The following BAG1 variants were observed in gnomAD, a reference collection of about 807,000 sequenced individuals.
BAG1 encodes the protein BAG cochaperone 1.
Under a neutral mutation model 35.5 loss-of-function variants are expected in BAG1, and 35 were observed. The ratio of observed to expected loss-of-function variants is 0.99; its 90% CI spans 0.75 to 1.31. The LOEUF (loss-of-function observed/expected upper bound fraction) is 1.31, where lower values mean the gene tolerates loss of function less well. Ranked by LOEUF, BAG1 falls within the 50% of genes most tolerant of loss-of-function variation. The pLI is 0.00. For synonymous variants in BAG1, 191 were observed against 178.9 expected (o/e 1.07, Z -0.54); for missense variants, 464 against 453.6 (o/e 1.02, Z -0.21).
rs1820462557 is a variant in BAG1, at chr9:33,256,801, C to T, written c.885G>A (p.Leu295=). ...TCTTCTCAGCTGAATATTTACTTAC[C>T]AGTGTGTCAATCTCCTCCAAGATCT... Residue 295 remains leucine, a splice_region_variant and synonymous_variant, in exon 5 of 7, where the codon CTG becomes CTA. Coordinates refer to ENST00000634734, the MANE Select transcript of BAG1 (RefSeq NM_004323.6). 6.2e-7 allele frequency: 1 copy of T among 1,609,748 alleles called. No individual in the cohort carries two copies. Among genetic ancestry groups the T allele is most frequent in the Non-Finnish European group, 8.5e-7 (1 of 1,176,348 alleles).
At chr9:33,258,370 A>G (rs1183352656) in intron 4 of BAG1, among the ~76,000 whole-genome samples, 1 of 151,398 alleles carries the variant, frequency 6.6e-6, no homozygotes, top group East Asian at 1.9e-4. Flanking sequence ...TGAGAGGGAA[A>G]AATAAATAAA....
rs1041240873 is a variant in BAG1 at position 33,255,025 on chromosome 9, G to A, written c.*194C>T. 9 of 1,529,862 alleles carry A rather than the reference G, an allele frequency of 5.9e-6. No homozygotes were observed. In the African/African-American group the frequency reaches 1.1e-4, roughly 19 times the overall value. 94.8% of individuals were successfully genotyped at this position (1,529,862 alleles called of 1,614,324 possible). On this transcript the variant is annotated 3_prime_UTR_variant, in exon 7 of 7. Transcript: ENST00000634734. ...GACAGTACAACCACAGAGACAGAAG[G>A]AGAAAACAGATAGGAGCTTTACTCA...
At chr9:33,257,976 G>GC (rs34741928) in intron 4 of BAG1, 93,575 of 151,962 alleles carry the variant, frequency 0.62, 32,691 homozygotes, top group Non-Finnish European at 0.76. Flanking sequence ...TGTACAGTCA[G>GC]CATGTATTCT....
Position 33,259,011 on chromosome 9 carries a change from T to C in BAG1, c.686A>G (p.Glu229Gly). The C allele has an allele frequency of 6.2e-7, 1 of 1,614,070 alleles. No homozygotes were observed. The highest frequency in any genetic ancestry group is 8.5e-7 in the Non-Finnish European group (1 of 1,179,912). ...CTCCAAATGTTTCAACTTCTTTAGT[T>C]CAACCTCTTCCTGTGGACTGTTCTA... Residue 229 changes from glutamate to glycine, a missense_variant, in exon 4 of 7, where the codon GAA becomes GGA. Physicochemically the swap from Glu to Gly is moderately conservative, Grantham distance 98. Coordinates refer to ENST00000634734, the MANE Select transcript of BAG1 (RefSeq NM_004323.6).
intron 3 of BAG1, 89 bp downstream of exon 3, chr9:33,260,998 G>T (rs991232604): frequency 2.5e-5 from 26 of 1,041,290 alleles, no homozygotes; most frequent in Non-Finnish European, 3.5e-5. Context: ...GCAGAATCTG[G>T]GTCCCCAGTT....
intron 2 of BAG1, 28 bp from the exon 3 acceptor site, chr9:33,261,197 T>C (rs1359028789): frequency 2.0e-6 from 3 of 1,497,140 alleles, no homozygotes; most frequent in Non-Finnish European, 2.8e-6. Flanking sequence ...GTAGGCCAAG[T>C]TGTAATAATT....
intron 5 of BAG1, among the ~76,000 whole-genome samples, chr9:33,256,353 TATC>T (rs1820452902): frequency 6.6e-6 from 1 of 152,250 alleles, no homozygotes; most frequent in Admixed American, 6.5e-5. Context: ...AGGCTAGAGA[TATC>T]ATTACTATCA....
Position 33,261,107 on chromosome 9 carries a change from C to T in BAG1, c.643G>A (p.Val215Ile), listed in dbSNP as rs1185946009. 6 of 1,608,980 alleles carry T rather than the reference C, an allele frequency of 3.7e-6. No homozygotes were observed. Among genetic ancestry groups the T allele is most frequent in the Non-Finnish European group, 2.5e-6 (3 of 1,178,112 alleles). The change falls in exon 3 of 7, where the codon GTC (valine) becomes ATC (isoleucine). Residue 215 changes from valine to isoleucine, a missense_variant. By Grantham distance (29) the Val-to-Ile change is conservative. Coordinates refer to ENST00000634734, the MANE Select transcript of BAG1 (RefSeq NM_004323.6). ...TTTACCTTTTTCCCAATTAACATGACCCGGCAACCATCTTGTATTCCAAGT... is the reference window on the plus strand; with the variant it reads ...TTTACCTTTTTCCCAATTAACATGATCCGGCAACCATCTTGTATTCCAAGT...
Position 33,261,257 on chromosome 9 carries a change from T to A in BAG1, c.581-88A>T, listed in dbSNP as rs958438818. ...GCAGGATACAGGAAATAGACAAGTG[T>A]GTTCACTAATGAGAACTGGTATCTT... On this transcript the variant is annotated intron_variant, in intron 2 of 6. Coordinates refer to ENST00000634734, the MANE Select transcript of BAG1 (RefSeq NM_004323.6). 5.4e-6 allele frequency: 5 copies of A among 920,884 alleles called. No individual in the cohort carries two copies. The African/African-American group carries it at 6.7e-5, about 12-fold the overall frequency. 57.0% of individuals were successfully genotyped at this position (920,884 alleles called of 1,614,324 possible). A position where few individuals can be genotyped will look rare whatever the true frequency, so the allele number is the denominator to read the frequency against.
chr9:33,261,094 C>T lies in BAG1; in HGVS notation c.656G>A (p.Gly219Glu), dbSNP rs145328400. The T allele has an allele frequency of 6.2e-5, 99 of 1,603,284 alleles. No homozygotes were observed. The highest frequency in any genetic ancestry group is 8.3e-5 in the Non-Finnish European group (97 of 1,175,082). The change falls in exon 3 of 7, where the codon GGG becomes GAG. Residue 219 changes from glycine to glutamate, a missense_variant. Physicochemically the swap from Gly to Glu is moderately conservative, Grantham distance 98. Coordinates refer to ENST00000634734, the MANE Select transcript of BAG1 (RefSeq NM_004323.6). ...ATGGAAAAAGCAATTTACCTTTTTC[C>T]CAATTAACATGACCCGGCAACCATC...
At chr9:33,262,199 G>C in intron 2 of BAG1, 1 of 1,289,676 alleles carries the variant, frequency 7.8e-7, no homozygotes, top group Non-Finnish European at 1.0e-6. Flanking sequence ...CCAGGTGTTT[G>C]AGAGTGTCCA....
intron 4 of BAG1, chr9:33,257,235 G>C (rs1587787318): frequency 8.6e-6 from 2 of 233,822 alleles, no homozygotes; most frequent in Non-Finnish European, 1.7e-5. Context: ...GCCTACGCCT[G>C]AAAACTGACT....
At position 33,253,643 on chromosome 9, in the gene BAG1, C is replaced by T. The variant is rs1304029826; in HGVS notation, c.*1576G>A. ...CAGTCCTGAATTCCTGGGACTTCAACGACTCTCTCTCTGCCAAATGATGTG... is the reference window on the plus strand; with the variant it reads ...CAGTCCTGAATTCCTGGGACTTCAATGACTCTCTCTCTGCCAAATGATGTG... On this transcript the variant is annotated 3_prime_UTR_variant, in exon 7 of 7. Coordinates refer to ENST00000634734, the MANE Select transcript of BAG1 (RefSeq NM_004323.6). 6.6e-6 allele frequency: 1 copy of T among 151,988 alleles called. No individual in the cohort carries two copies. Among genetic ancestry groups the T allele is most frequent in the African/African-American group, 2.4e-5 (1 of 41,348 alleles). 9.4% of individuals were successfully genotyped at this position (151,988 alleles called of 1,614,324 possible).
intron 4 of BAG1, among the ~76,000 whole-genome samples, chr9:33,258,341 C>A (rs1051507441): frequency 6.7e-5 from 10 of 149,282 alleles, no homozygotes; most frequent in Non-Finnish European, 1.3e-4. Context: ...ACAAACACAC[C>A]CCAATTAATG....
At chr9:33,258,791 G>GT in intron 4 of BAG1, 129 bp downstream of exon 4, 1 of 679,442 alleles carries the variant, frequency 1.5e-6, no homozygotes. Flanking sequence ...CTTGTTCACA[G>GT]TAAGAGAAAG....
At chr9:33,264,177 C>T in intron 1 of BAG1, 47 bp downstream of exon 1, 7 of 1,538,778 alleles carry the variant, frequency 4.5e-6, no homozygotes, top group Non-Finnish European at 6.1e-6. Context: ...CAGACCCCGC[C>T]GGGCTTTCGG....
At chr9:33,256,461 A>G (rs1326489050) in intron 5 of BAG1, among the ~76,000 whole-genome samples, 1 of 152,250 alleles carries the variant, frequency 6.6e-6, no homozygotes, top group Non-Finnish European at 1.5e-5. Flanking sequence ...TATCAGTCAC[A>G]TATTCATCAG....
At chr9:33,263,362 C>T (rs1820621184) in intron 1 of BAG1, among the ~76,000 whole-genome samples, 1 of 152,244 alleles carries the variant, frequency 6.6e-6, no homozygotes, top group Non-Finnish European at 1.5e-5. Context: ...CCACTGAACA[C>T]ACTTGAGTGC....
chr9:33,264,549 A>G lies in BAG1; in HGVS notation c.126T>C (p.Pro42=). Reference sequence around the variant, plus strand: ...TCCGGGCAGGTGGACGCCCAGAGGGAGGCGGACCACGCTGGGCCGGGGGCT... The same window carrying G: ...TCCGGGCAGGTGGACGCCCAGAGGGGGGCGGACCACGCTGGGCCGGGGGCT... Residue 42 remains proline, a synonymous_variant, in exon 1 of 7, where the codon CCT becomes CCC. Transcript: ENST00000634734. 6.6e-7 allele frequency: 1 copy of G among 1,512,782 alleles called. No homozygotes were observed. Among genetic ancestry groups the G allele is most frequent in the Non-Finnish European group, 8.8e-7 (1 of 1,136,586 alleles). 93.7% of individuals were successfully genotyped at this position (1,512,782 alleles called of 1,614,324 possible).
Sources: allele counts gnomAD v4.1 joint callset (sites outside exome capture counted in the v4.1 genomes callset), GRCh38; gene constraint gnomAD v4.1.1; transcripts MANE v1.5; gene names NCBI Gene and HGNC (gene_info 2026-07-23, HGNC 2026-07-21).